Variants in DMRT1 observed in about 807,000 individuals in gnomAD.
The protein encoded by DMRT1 is doublesex and mab-3 related transcription factor 1.
DMRT1 carries 7 observed loss-of-function variants against 32.3 expected under a neutral mutation model. The observed-to-expected ratio is 0.22, with a 90% CI of 0.12 to 0.41. The LOEUF (loss-of-function observed/expected upper bound fraction) is 0.41. Ranked by LOEUF, DMRT1 falls within the 10% of genes least tolerant of loss-of-function variation. DMRT1 has a pLI of 1.00. For synonymous variants in DMRT1, 278 were observed against 206.1 expected (o/e 1.35, Z -2.99); for missense variants, 625 against 500.5 (o/e 1.25, Z -2.37).
rs760918197 is a variant in DMRT1 at position 902,342 on chromosome 9, C to CT, written c.822+8150dup. Among the ~76,000 whole-genome samples the CT allele has an allele frequency of 6.0e-4, 91 of 151,400 alleles. 1 individual carries two copies. In the Middle Eastern group the frequency reaches 0.01, roughly 17 times the overall value. On this transcript the variant is annotated intron_variant, in intron 3 of 4. Transcript: ENST00000382276. Reference sequence around the variant, plus strand: ...CTTCCTACACCCCCTCCTCCTCCACCTTTCTTTTTTAAGACTGCTGCAGTA... The same window carrying CT: ...CTTCCTACACCCCCTCCTCCTCCACCTTTTCTTTTTTAAGACTGCTGCAGTA...
chr9:898,759 G>A (rs1817465750), intron 3 of DMRT1, among the ~76,000 whole-genome samples: 1 of 152,126 alleles, frequency 6.6e-6, no homozygotes, highest in Admixed American at 6.5e-5. Flanking sequence ...TGCTAAGGCC[G>A]GACTCTCCTC....
intron 2 of DMRT1, among the ~76,000 whole-genome samples, chr9:865,465 A>G (rs1156490025): frequency 6.6e-6 from 1 of 152,112 alleles, no homozygotes; most frequent in Non-Finnish European, 1.5e-5. Context: ...TATATATGAT[A>G]TATATGAAAT....
chr9:906,829 G>C (rs531104866), intron 3 of DMRT1, among the ~76,000 whole-genome samples: 3 of 152,316 alleles, frequency 2.0e-5, no homozygotes, highest in South Asian at 4.1e-4. Flanking sequence ...CCTTGGTTTA[G>C]TAGAGAGAAA....
At chr9:902,637 C>T (rs1271892130) in intron 3 of DMRT1, among the ~76,000 whole-genome samples, 15 of 151,824 alleles carry the variant, frequency 9.9e-5, no homozygotes, top group Admixed American at 2.0e-4. Context: ...TACAGGCACA[C>T]GCCACCATAC....
At chr9:960,932 A>T (rs946061716) in intron 4 of DMRT1, among the ~76,000 whole-genome samples, 1 of 152,212 alleles carries the variant, frequency 6.6e-6, no homozygotes, top group African/African-American at 2.4e-5. Flanking sequence ...TTCAGACAGC[A>T]TCAGGTGCTG....
chr9:957,340 T>C (rs1296577008), intron 4 of DMRT1, among the ~76,000 whole-genome samples: 4 of 152,270 alleles, frequency 2.6e-5, no homozygotes. Flanking sequence ...TTCTTGGGGC[T>C]AATTGGACAG....
intron 4 of DMRT1, among the ~76,000 whole-genome samples, chr9:946,139 T>C (rs1178424697): frequency 4.6e-5 from 7 of 151,994 alleles, no homozygotes; most frequent in South Asian, 2.1e-4. Flanking sequence ...TTCTTTCTTT[T>C]TTTTTTTTGA....
At position 842,200 on chromosome 9, in the gene DMRT1, C is replaced by A; in HGVS notation, c.354+8C>A. On this transcript the variant is annotated splice_region_variant and intron_variant, in intron 1 of 4. Coordinates refer to ENST00000382276, the MANE Select transcript of DMRT1 (RefSeq NM_021951.3). ...CGCGTGATGGCCGCGCAGGTGGGTG[C>A]GGGCGTGCGGGAGCCCGGGTTCAGC... The A allele has an allele frequency of 1.4e-6, 2 of 1,396,882 alleles. No homozygotes were observed. The highest frequency in any genetic ancestry group is 1.2e-5 in the South Asian group (1 of 81,466). The allele number at this position is 1,396,882 out of a possible 1,614,324, so 86.5% of individuals were successfully genotyped here. A position where few individuals can be genotyped will look rare whatever the true frequency, so the allele number is the denominator to read the frequency against.
intron 4 of DMRT1, among the ~76,000 whole-genome samples, chr9:953,948 G>A (rs1296088350): frequency 6.6e-6 from 1 of 152,162 alleles, no homozygotes; most frequent in African/African-American, 2.4e-5. Flanking sequence ...TAATGAGAGT[G>A]AAAGTGATAG....
chr9:937,156 T>C (rs1010143278), intron 4 of DMRT1, among the ~76,000 whole-genome samples: 3 of 152,360 alleles, frequency 2.0e-5, no homozygotes, highest in Non-Finnish European at 4.4e-5. Flanking sequence ...GGTTCATCCA[T>C]GTTGTGGCAT....
Position 910,802 on chromosome 9 carries a change from C to T in DMRT1, c.823-5961C>T, listed in dbSNP as rs16925799. 4.9e-3 allele frequency among the ~76,000 whole-genome samples: 750 copies of T among 152,144 alleles called. 10 individuals are homozygous for T. The highest frequency in any genetic ancestry group is 0.016 in the African/African-American group (680 of 41,500). ...ATGGGTAATAACGTATAAAACATGC[C>T]TCTTGCTTGCCAGTGACCACTGCTA... On this transcript the variant is annotated intron_variant, in intron 3 of 4. Coordinates refer to ENST00000382276, the MANE Select transcript of DMRT1 (RefSeq NM_021951.3).
chr9:911,492 T>G (rs972252221), intron 3 of DMRT1, among the ~76,000 whole-genome samples: 939 of 91,652 alleles, frequency 0.01, 23 homozygotes, highest in African/African-American at 0.05. Flanking sequence ...TTTTTTTTTT[T>G]TTTTTTTTTT....
intron 2 of DMRT1, among the ~76,000 whole-genome samples, chr9:861,911 G>C (rs866045798): frequency 3.4e-5 from 5 of 145,294 alleles, no homozygotes; most frequent in South Asian, 2.3e-4. Flanking sequence ...ATGGGGCGGC[G>C]GGGCAGAGGC....
At chr9:842,247 T>A in intron 1 of DMRT1, 55 bp downstream of exon 1, 14 of 1,504,562 alleles carry the variant, frequency 9.3e-6, no homozygotes, top group Non-Finnish European at 1.2e-5. Context: ...TTTTTTTTTT[T>A]TTTTTTAGAT....
chr9:916,990 C>A, intron 4 of DMRT1, 83 bp downstream of exon 4: 2 of 1,470,372 alleles, frequency 1.4e-6, no homozygotes, highest in Non-Finnish European at 9.5e-7. Context: ...TGTCTAATGG[C>A]TTAGCTGTTA....
intron 2 of DMRT1, among the ~76,000 whole-genome samples, chr9:858,089 G>A (rs149916377): frequency 6.6e-6 from 1 of 152,140 alleles, no homozygotes; most frequent in Non-Finnish European, 1.5e-5. Context: ...ATAAACATAC[G>A]TGTGCATGTG....
chr9:861,515 C>A (rs1446088473), intron 2 of DMRT1, among the ~76,000 whole-genome samples: 5 of 152,254 alleles, frequency 3.3e-5, no homozygotes, highest in Non-Finnish European at 7.3e-5. Context: ...CCCACATTTC[C>A]CCCTTTTCTA....
intron 2 of DMRT1, among the ~76,000 whole-genome samples, chr9:872,653 C>T (rs542129440): frequency 6.6e-6 from 1 of 152,336 alleles, no homozygotes; most frequent in East Asian, 1.9e-4. Flanking sequence ...TGTTTCAGGA[C>T]ATCAGGACTT....
intron 2 of DMRT1, among the ~76,000 whole-genome samples, chr9:884,392 G>A (rs1352459797): frequency 7.3e-5 from 11 of 150,596 alleles, no homozygotes; most frequent in Non-Finnish European, 4.4e-5. Flanking sequence ...AAGTAGCAGA[G>A]GGATTGTGAA....
Sources: allele counts gnomAD v4.1 joint callset (sites outside exome capture counted in the v4.1 genomes callset), GRCh38; gene constraint gnomAD v4.1.1; transcripts MANE v1.5; gene names NCBI Gene and HGNC (gene_info 2026-07-23, HGNC 2026-07-21).